Variants in OSBPL6 observed in about 807,000 individuals in gnomAD.
OSBPL6 encodes the protein oxysterol-binding protein-related protein 6.
A neutral mutation model predicts 125.8 loss-of-function variants in OSBPL6; 49 were observed. That is an observed-to-expected ratio of 0.39 (90% CI 0.31 to 0.49). OSBPL6 has a LOEUF of 0.49. OSBPL6 is among the 20% of genes least tolerant of loss of function. The pLI is 0.88. For synonymous variants in OSBPL6, 394 were observed against 391.8 expected, an observed-to-expected ratio of 1.01 and a Z score of -0.07; for missense variants, 986 against 1,135.4, an observed-to-expected ratio of 0.87 and a Z score of 1.89.
intron 2 of OSBPL6, among the ~76,000 whole-genome samples, chr2:178,298,857 A>C (rs1686010095): frequency 6.6e-6 from 1 of 152,168 alleles, no homozygotes; most frequent in Admixed American, 6.5e-5. Flanking sequence ...CTCAGTGCAG[A>C]AATGGTTGTT....
intron 1 of OSBPL6, among the ~76,000 whole-genome samples, chr2:178,207,675 C>T (rs148619288): frequency 6.6e-6 from 1 of 151,968 alleles, no homozygotes; most frequent in East Asian, 1.9e-4. Context: ...GGGGAAGTCA[C>T]CTATGAGAAC....
chr2:178,312,059 G>A (rs1319665758), intron 3 of OSBPL6, among the ~76,000 whole-genome samples: 1 of 152,000 alleles, frequency 6.6e-6, no homozygotes, highest in African/African-American at 2.4e-5. Flanking sequence ...TCAGCTCACT[G>A]GAGCCTTTGC....
chr2:178,291,682 C>CTTCCTTCCTTCT (rs886731808), intron 2 of OSBPL6, among the ~76,000 whole-genome samples: 1 of 148,944 alleles, frequency 6.7e-6, no homozygotes, highest in African/African-American at 2.5e-5. Context: ...TCCTTCCTTC[C>CTTCCTTCCTTCT]TTCCTTCCTT....
chr2:178,345,969 G>A (rs528430516), intron 11 of OSBPL6, among the ~76,000 whole-genome samples: 1 of 152,072 alleles, frequency 6.6e-6, no homozygotes, highest in Non-Finnish European at 1.5e-5. Context: ...CACCTCCCAG[G>A]GTGACTATAG....
At chr2:178,279,017 A>G (rs1447779141) in intron 1 of OSBPL6, among the ~76,000 whole-genome samples, 2 of 152,224 alleles carry the variant, frequency 1.3e-5, no homozygotes, top group African/African-American at 4.8e-5. Flanking sequence ...CATATGTGAG[A>G]AAATGATCAA....
At chr2:178,305,425 C>G (rs1375352539) in intron 2 of OSBPL6, among the ~76,000 whole-genome samples, 1 of 152,178 alleles carries the variant, frequency 6.6e-6, no homozygotes, top group Non-Finnish European at 1.5e-5. Context: ...CCATTTACCC[C>G]TGCTCTAAGA....
At position 178,332,679 on chromosome 2, in the gene OSBPL6, A is replaced by T. The variant is rs1689314618; in HGVS notation, c.411A>T (p.Gly137=). 2 of 1,613,904 alleles carry T rather than the reference A, an allele frequency of 1.2e-6. No homozygotes were observed. Among genetic ancestry groups the T allele is most frequent in the Admixed American group, 3.3e-5 (2 of 60,002 alleles). The change falls in exon 7 of 25, where the codon GGA becomes GGT. Residue 137 remains glycine (G), a synonymous_variant. Coordinates refer to ENST00000190611, the MANE Select transcript of OSBPL6 (RefSeq NM_032523.4). ...KGKVHGSIDV[G]LSVMSIKKKA... ...AGGTCCATGGGAGCATAGATGTGGG[A>T]CTCTCAGTCATGTCAATTAAAAAGA...
chr2:178,245,885 C>A (rs144917318), intron 1 of OSBPL6, among the ~76,000 whole-genome samples: 1 of 152,184 alleles, frequency 6.6e-6, no homozygotes, highest in Non-Finnish European at 1.5e-5. Context: ...TTCCATAGTA[C>A]ATCCTATAGG....
intron 4 of OSBPL6, 93 bp downstream of exon 4, chr2:178,324,362 A>G: frequency 1.1e-6 from 1 of 911,964 alleles, no homozygotes; most frequent in South Asian, 1.9e-5. Context: ...GACTCCCCTA[A>G]AATACTTGTG....
chr2:178,336,277 A>G lies in OSBPL6; in HGVS notation c.658-24A>G. On this transcript the variant is annotated intron_variant, in intron 8 of 24. Coordinates refer to ENST00000190611, the MANE Select transcript of OSBPL6 (RefSeq NM_032523.4). ...TTGAAATGTACTGTTTCATAACCAT[A>G]CAATTCATCTTTGTTTGCCGTAGAT... 1.9e-6 allele frequency: 3 copies of G among 1,611,650 alleles called. No homozygotes were observed. The South Asian group carries it at 3.3e-5, about 18-fold the overall frequency.
chr2:178,378,605 G>A lies in OSBPL6; in HGVS notation c.1534-3815G>A, dbSNP rs117491478. 3.3e-5 allele frequency among the ~76,000 whole-genome samples: 5 copies of A among 152,206 alleles called. No homozygotes were observed. In the South Asian group the frequency reaches 1.0e-3, roughly 32 times the overall value. On this transcript the variant is annotated intron_variant, in intron 15 of 24. Transcript: ENST00000190611. ...AAATATATATTTTCTGAACTCTTTT[G>A]AATCCCTAAGTTTGTAAAGAGAAAT...
chr2:178,332,013 C>T (rs1351750228), intron 6 of OSBPL6, among the ~76,000 whole-genome samples: 1 of 152,104 alleles, frequency 6.6e-6, no homozygotes, highest in Non-Finnish European at 1.5e-5. Flanking sequence ...CTTGGAGATC[C>T]CAATTCACAA....
rs953638518 is a variant in OSBPL6, at chr2:178,398,437, G to A, written c.*2878G>A. On this transcript the variant is annotated 3_prime_UTR_variant, in exon 25 of 25. Coordinates refer to ENST00000190611, the MANE Select transcript of OSBPL6 (RefSeq NM_032523.4). ...TTCTGAGGACTTGGCTAGACTGAGC[G>A]GATCAATGGCACACACCAGCACTGG... 3.9e-5 allele frequency: 6 copies of A among 152,170 alleles called. No individual in the cohort carries two copies. The highest frequency in any genetic ancestry group is 2.1e-4 in the South Asian group (1 of 4,826). The allele number at this position is 152,170 out of a possible 1,614,324, so 9.4% of individuals were successfully genotyped here.
In OSBPL6 at chr2:178,349,804, C is replaced by T. The variant is rs139691137; in HGVS notation, c.1153+415C>T. Among the ~76,000 whole-genome samples, 58 of 152,316 alleles carry T rather than the reference C, an allele frequency of 3.8e-4. No homozygotes were observed. The Middle Eastern group carries it at 0.01, about 27-fold the overall frequency. ...GTGGGTCGGGAATTCAGGCAGGGCT[C>T]AGCTAAGCAGCAAAGCCTCTGTGCC... On this transcript the variant is annotated intron_variant, in intron 12 of 24. Transcript: ENST00000190611.
Position 178,387,043 on chromosome 2 carries a change from T to C in OSBPL6, c.2078-18T>C, listed in dbSNP as rs777889800. 1 of 1,551,958 alleles carries C rather than the reference T, an allele frequency of 6.4e-7. No individual in the cohort carries two copies. Among genetic ancestry groups the C allele is most frequent in the Non-Finnish European group, 8.9e-7 (1 of 1,125,310 alleles). On this transcript the variant is annotated intron_variant, in intron 19 of 24. Coordinates refer to ENST00000190611, the MANE Select transcript of OSBPL6 (RefSeq NM_032523.4). ...GATATGGGGTATGTATTTCTTGTCC[T>C]CTCCCTATGTCATTTAGATATCAGA...
intron 1 of OSBPL6, among the ~76,000 whole-genome samples, chr2:178,265,468 C>T (rs1574678450): frequency 1.3e-5 from 2 of 152,130 alleles, no homozygotes; most frequent in South Asian, 4.1e-4. Flanking sequence ...CCTGCCTTAG[C>T]CTCCCAAAGT....
At chr2:178,363,016 T>G (rs1692496984) in intron 13 of OSBPL6, among the ~76,000 whole-genome samples, 1 of 152,210 alleles carries the variant, frequency 6.6e-6, no homozygotes, top group African/African-American at 2.4e-5. Flanking sequence ...ATTCTGAAAG[T>G]ATCGTGAATC....
At chr2:178,337,232 A>G (rs761911648) in intron 9 of OSBPL6, among the ~76,000 whole-genome samples, 1 of 152,186 alleles carries the variant, frequency 6.6e-6, no homozygotes. Flanking sequence ...CTAAGATGAT[A>G]TTGGGCCTAT....
intron 12 of OSBPL6, among the ~76,000 whole-genome samples, chr2:178,359,922 A>G (rs1272581454): frequency 6.6e-6 from 1 of 152,186 alleles, no homozygotes; most frequent in East Asian, 1.9e-4. Context: ...TCCCGTCTCT[A>G]CTAAAATTAC....
Sources: gnomAD v4.1 joint callset for allele counts (sites outside exome capture counted in the v4.1 genomes callset) on GRCh38, gnomAD v4.1.1 for gene constraint, MANE v1.5 for transcripts, NCBI Gene and HGNC (gene_info 2026-07-23, HGNC 2026-07-21) for gene names.